RAPGEF4: variants seen among roughly 807,000 people sequenced by gnomAD.
RAPGEF4 encodes RAP guanine-nucleotide-exchange factor (GEF) 4.
In RAPGEF4, 66 loss-of-function variants were observed where a neutral mutation model predicts 147.9. The ratio of observed to expected loss-of-function variants is 0.45; its 90% CI spans 0.37 to 0.55. RAPGEF4 has a LOEUF of 0.55. Ranked by LOEUF, RAPGEF4 falls within the 20% of genes least tolerant of loss-of-function variation. RAPGEF4 has a pLI of 0.00. For synonymous variants in RAPGEF4, 419 were observed against 442.7 expected (o/e 0.95, Z 0.67); for missense variants, 1,071 against 1,257.3 (o/e 0.85, Z 2.24).
intron 30 of RAPGEF4, among the ~76,000 whole-genome samples, chr2:173,050,835 C>T (rs1024063146): frequency 1.3e-5 from 2 of 151,056 alleles, no homozygotes; most frequent in African/African-American, 4.9e-5. Context: ...GAAGCCAGGT[C>T]ATCACTTCCA....
rs1259693642 is a variant in RAPGEF4, at chr2:173,036,921, A to G, written c.2853+229A>G. ...TGGTTCACAGCAGCAGCTGGCTTTT[A>G]TGCCGTGTGTTTCTTCCTTGGCAGC... On this transcript the variant is annotated intron_variant, in intron 29 of 30. Transcript: ENST00000397081. 19 of 410,036 alleles carry G rather than the reference A, an allele frequency of 4.6e-5. No homozygotes were observed. In the Admixed American group the frequency reaches 7.7e-4, roughly 17 times the overall value. The allele number at this position is 410,036 out of a possible 1,614,324, so 25.4% of individuals were successfully genotyped here.
intron 6 of RAPGEF4, among the ~76,000 whole-genome samples, chr2:172,927,123 C>A (rs528161335): frequency 1.2e-3 from 181 of 152,068 alleles, no homozygotes; most frequent in African/African-American, 4.3e-3. Flanking sequence ...AACTATGGGT[C>A]ATTTATATGA....
intron 2 of RAPGEF4, among the ~76,000 whole-genome samples, chr2:172,796,839 C>G (rs1291439782): frequency 6.6e-6 from 1 of 152,202 alleles, no homozygotes; most frequent in Non-Finnish European, 1.5e-5. Flanking sequence ...GTCACTCCAT[C>G]TAGTTATTTA....
At chr2:172,942,777 C>T (rs1287873131) in intron 6 of RAPGEF4, among the ~76,000 whole-genome samples, 1 of 152,036 alleles carries the variant, frequency 6.6e-6, no homozygotes, top group Admixed American at 6.6e-5. Flanking sequence ...TTTATTTAAC[C>T]TAACACATCC....
chr2:172,909,645 G>A (rs531810713), intron 4 of RAPGEF4, among the ~76,000 whole-genome samples: 1 of 152,248 alleles, frequency 6.6e-6, no homozygotes, highest in East Asian at 1.9e-4. Flanking sequence ...AGTCACCTCG[G>A]AACCACTGCT....
intron 22 of RAPGEF4, among the ~76,000 whole-genome samples, chr2:173,020,171 C>A (rs1053535874): frequency 6.6e-6 from 1 of 152,054 alleles, no homozygotes; most frequent in Non-Finnish European, 1.5e-5. Context: ...TATTGCCCTG[C>A]AAATTAGGGA....
chr2:172,854,900 C>T lies in RAPGEF4; in HGVS notation c.444+40475C>T, dbSNP rs150772223. On this transcript the variant is annotated intron_variant, in intron 4 of 30. Transcript: ENST00000397081. ...AGTTTTGAGAATGTCTCTGCAAGCC[C>T]GATGGAGAGTATTAATGCAAAAATT... 1.4e-4 allele frequency among the ~76,000 whole-genome samples: 22 copies of T among 152,156 alleles called. No individual in the cohort carries two copies. The East Asian group carries it at 3.5e-3, about 24-fold the overall frequency.
At chr2:172,982,655 C>T (rs543586514) in intron 10 of RAPGEF4, among the ~76,000 whole-genome samples, 40 of 152,224 alleles carry the variant, frequency 2.6e-4, no homozygotes, top group Middle Eastern at 6.8e-3. Context: ...CCACAACACC[C>T]CCATACCCTA....
chr2:172,857,749 G>C (rs939613568), intron 4 of RAPGEF4, among the ~76,000 whole-genome samples: 2 of 151,810 alleles, frequency 1.3e-5, no homozygotes, highest in Admixed American at 1.3e-4. Flanking sequence ...GGGTGTGGTG[G>C]CGTGCCTGCA....
intron 4 of RAPGEF4, among the ~76,000 whole-genome samples, chr2:172,886,866 A>G (rs1697283184): frequency 6.6e-6 from 1 of 152,210 alleles, no homozygotes; most frequent in South Asian, 2.1e-4. Flanking sequence ...TTCCACTTTT[A>G]CGTGGGAAAG....
intron 17 of RAPGEF4, among the ~76,000 whole-genome samples, chr2:173,007,832 TAAAA>T (rs1021263673): frequency 6.6e-6 from 1 of 151,782 alleles, no homozygotes; most frequent in Non-Finnish European, 1.5e-5. Flanking sequence ...CAGATTATAG[TAAAA>T]AAAAGCAAAA....
At chr2:172,769,207 G>C (rs1050762293) in intron 1 of RAPGEF4, among the ~76,000 whole-genome samples, 1 of 152,078 alleles carries the variant, frequency 6.6e-6, no homozygotes, top group African/African-American at 2.4e-5. Context: ...GAATAAACTT[G>C]ACAGTAGACA....
chr2:172,856,502 G>A (rs1398596277), intron 4 of RAPGEF4, among the ~76,000 whole-genome samples: 1 of 152,104 alleles, frequency 6.6e-6, no homozygotes, highest in Non-Finnish European at 1.5e-5. Context: ...ATGTACTCTG[G>A]ACATTGTGAG....
chr2:172,942,334 A>T (rs1042702982), intron 6 of RAPGEF4, among the ~76,000 whole-genome samples: 8 of 151,748 alleles, frequency 5.3e-5, no homozygotes, highest in Non-Finnish European at 8.8e-5. Context: ...GTCTTAGCTC[A>T]AATTCAGAAC....
chr2:172,997,666 TA>T (rs905657108), intron 16 of RAPGEF4, among the ~76,000 whole-genome samples: 2 of 152,158 alleles, frequency 1.3e-5, no homozygotes, highest in Non-Finnish European at 2.9e-5. Context: ...AATCCTATGC[TA>T]CTGCCTGTCT....
At chr2:172,964,401 ATTT>A (rs11374637) in intron 8 of RAPGEF4, among the ~76,000 whole-genome samples, 2 of 115,166 alleles carry the variant, frequency 1.7e-5, no homozygotes, top group Non-Finnish European at 1.7e-5. Context: ...TGCTCCTCCT[ATTT>A]TTTTTTTTTT....
chr2:172,884,396 C>G (rs1696952128), intron 4 of RAPGEF4, among the ~76,000 whole-genome samples: 1 of 152,182 alleles, frequency 6.6e-6, no homozygotes, highest in Non-Finnish European at 1.5e-5. Context: ...TACACTGGAG[C>G]CTCTATCCCT....
At chr2:172,795,223 G>GTTAC in intron 2 of RAPGEF4, 56 bp downstream of exon 2, 1 of 1,523,656 alleles carries the variant, frequency 6.6e-7, no homozygotes, top group East Asian at 2.3e-5. Context: ...CTGATTTGTG[G>GTTAC]TTACTTTATG....
chr2:173,047,866 G>C (rs1009441068), intron 29 of RAPGEF4, among the ~76,000 whole-genome samples: 25 of 151,702 alleles, frequency 1.6e-4, no homozygotes, highest in African/African-American at 5.8e-4. Flanking sequence ...TTAGTAGAGA[G>C]GGGGTTTCAC....
Sources: gnomAD v4.1 joint callset for allele counts (sites outside exome capture counted in the v4.1 genomes callset) on GRCh38, gnomAD v4.1.1 for gene constraint, MANE v1.5 for transcripts, NCBI Gene and HGNC (gene_info 2026-07-23, HGNC 2026-07-21) for gene names.